The following ZNRF3 variants were observed in gnomAD, a reference collection of about 807,000 sequenced individuals.
ZNRF3 encodes zinc and ring finger 3, also known as E3 ubiquitin-protein ligase ZNRF3.
Under a neutral mutation model 72.5 loss-of-function variants are expected in ZNRF3, and 23 were observed. That is an observed-to-expected ratio of 0.32 (90% confidence interval 0.23 to 0.45). The LOEUF is 0.45. Among genes scored for constraint, ZNRF3 ranks in the 20% least tolerant of loss-of-function variants. ZNRF3 has a pLI of 1.00. For missense variants in ZNRF3, 1,169 were observed against 1,272.1 expected (o/e 0.92, Z 1.23); for synonymous variants, 610 against 545.3 (o/e 1.12, Z -1.65).
chr22:29,050,998 C>G (rs971184865), intron 8 of ZNRF3, 50 bp downstream of exon 8: 4 of 1,487,554 alleles, frequency 2.7e-6, no homozygotes, highest in South Asian at 1.3e-5. Context: ...CCATCAGGGT[C>G]GTCTTGTCTT....
chr22:28,933,276 G>C (rs1377324274), intron 1 of ZNRF3, among the ~76,000 whole-genome samples: 1 of 152,170 alleles, frequency 6.6e-6, no homozygotes, highest in Admixed American at 6.5e-5. Context: ...GTATATTATA[G>C]TTGTTTAAAA....
At chr22:29,002,956 A>G (rs570710192) in intron 2 of ZNRF3, among the ~76,000 whole-genome samples, 1 of 152,322 alleles carries the variant, frequency 6.6e-6, no homozygotes, top group East Asian at 1.9e-4. Flanking sequence ...TAACACCAGA[A>G]GCACCAAGGA....
In ZNRF3 at chr22:28,904,124, C is replaced by T. The variant is rs112017707; in HGVS notation, c.300+20058C>T. Among the ~76,000 whole-genome samples the T allele has an allele frequency of 4.1e-3, 624 of 152,230 alleles. 5 individuals are homozygous for T. Among genetic ancestry groups the T allele is most frequent in the Middle Eastern group, 0.027 (8 of 294 alleles). ...ATTTAAATAAGCAACCTAACCTCAC[C>T]CCAGAAAACAACTCCTAGTTAACCT... is the stretch of plus-strand genomic sequence containing the variant. On this transcript the variant is annotated intron_variant, in intron 1 of 8. Transcript: ENST00000544604.
In ZNRF3 at chr22:29,050,697, A is replaced by G. The variant is rs575877454; in HGVS notation, c.2516A>G (p.Asp839Gly). The change falls in exon 8 of 9, where the codon GAT becomes GGT. Residue 839 changes from aspartate to glycine, a missense_variant. Transcript: ENST00000544604. ...IPIIPEDVDC[D>G]LGLPSDCQGT... ...ATCATTCCAGAGGATGTGGACTGTG[A>G]TCTGGGCCTGCCCTCGGACTGCCAA... The G allele has an allele frequency of 3.5e-5, 57 of 1,612,188 alleles. 1 individual carries two copies. The South Asian group carries it at 4.2e-4, about 12-fold the overall frequency.
chr22:28,986,775 G>A, intron 1 of ZNRF3: 1 of 569,054 alleles, frequency 1.8e-6, no homozygotes, highest in Non-Finnish European at 2.2e-6. Context: ...GCATTTATAT[G>A]GGAATTGTGC....
At chr22:28,891,518 C>G (rs1218789380) in intron 1 of ZNRF3, among the ~76,000 whole-genome samples, 1 of 152,256 alleles carries the variant, frequency 6.6e-6, no homozygotes, top group Non-Finnish European at 1.5e-5. Context: ...GCACTGGGCA[C>G]AGTGCTTTGC....
At chr22:28,957,267 G>A (rs1205655030) in intron 1 of ZNRF3, among the ~76,000 whole-genome samples, 1 of 152,090 alleles carries the variant, frequency 6.6e-6, no homozygotes, top group East Asian at 1.9e-4. Context: ...CCAAACTGAG[G>A]ATTATCATCT....
intron 1 of ZNRF3, among the ~76,000 whole-genome samples, chr22:28,929,990 GA>G (rs2034676155): frequency 6.6e-6 from 1 of 151,852 alleles, no homozygotes; most frequent in African/African-American, 2.4e-5. Flanking sequence ...CATTTAAAAA[GA>G]AAAAATGAAA....
At chr22:28,916,104 C>T (rs915304666) in intron 1 of ZNRF3, among the ~76,000 whole-genome samples, 2 of 152,086 alleles carry the variant, frequency 1.3e-5, no homozygotes, top group Admixed American at 6.5e-5. Flanking sequence ...CTCTGTTGCC[C>T]AGGCCAGAGT....
chr22:28,919,535 T>C (rs546231071), intron 1 of ZNRF3, among the ~76,000 whole-genome samples: 1 of 151,188 alleles, frequency 6.6e-6, no homozygotes, highest in East Asian at 1.9e-4. Flanking sequence ...ACTTTTAGCC[T>C]CTTTACTTTT....
chr22:29,020,759 GTT>G (rs762825720), intron 2 of ZNRF3, among the ~76,000 whole-genome samples: 55,342 of 139,824 alleles, frequency 0.4, 11,862 homozygotes, highest in Non-Finnish European at 0.48. Context: ...GAGGGGCTTT[GTT>G]TTTGTGTGTG....
intron 1 of ZNRF3, among the ~76,000 whole-genome samples, chr22:28,894,220 A>T (rs1420632057): frequency 6.6e-6 from 1 of 152,006 alleles, no homozygotes; most frequent in Non-Finnish European, 1.5e-5. Context: ...GGTCTCCCAA[A>T]GTGCTGAGAC....
chr22:29,032,442 G>A (rs1253817631), intron 2 of ZNRF3, among the ~76,000 whole-genome samples: 1 of 152,208 alleles, frequency 6.6e-6, no homozygotes, highest in Non-Finnish European at 1.5e-5. Flanking sequence ...GGTCAAGGTT[G>A]GCCGGAGGAG....
In ZNRF3 at chr22:29,007,497, G is replaced by A. The variant is rs941735279; in HGVS notation, c.426+20296G>A. Among the ~76,000 whole-genome samples the A allele has an allele frequency of 4.0e-5, 6 of 151,570 alleles. 1 individual carries two copies. Among genetic ancestry groups the A allele is most frequent in the Admixed American group, 3.9e-4 (6 of 15,216 alleles). ...TACAAATTTTTTTTTTTTTAAACTA[G>A]CTGGGCCTGGTGGCACCCACTTATA... On this transcript the variant is annotated intron_variant, in intron 2 of 8. Transcript: ENST00000544604.
intron 2 of ZNRF3, among the ~76,000 whole-genome samples, chr22:28,997,450 C>T (rs1380567888): frequency 6.6e-6 from 1 of 152,054 alleles, no homozygotes; most frequent in Non-Finnish European, 1.5e-5. Flanking sequence ...TGGAGTTCCC[C>T]TTCCTCCTTC....
At chr22:28,931,114 GTCATT>G (rs1214895599) in intron 1 of ZNRF3, among the ~76,000 whole-genome samples, 1 of 152,158 alleles carries the variant, frequency 6.6e-6, no homozygotes, top group Non-Finnish European at 1.5e-5. Flanking sequence ...AAAAGAAGTA[GTCATT>G]TCAGTGCAAC....
chr22:29,023,186 T>C (rs971640163), intron 2 of ZNRF3, among the ~76,000 whole-genome samples: 2 of 152,172 alleles, frequency 1.3e-5, no homozygotes, highest in African/African-American at 2.4e-5. Context: ...GAAACTAACA[T>C]TGGAGTCCTC....
intron 2 of ZNRF3, among the ~76,000 whole-genome samples, chr22:29,019,381 T>G (rs1168365759): frequency 6.6e-6 from 1 of 152,218 alleles, no homozygotes; most frequent in Non-Finnish European, 1.5e-5. Context: ...TCATGTATCT[T>G]CCTTCTAGTT....
chr22:29,046,101 C>A (rs1364044679), intron 5 of ZNRF3, among the ~76,000 whole-genome samples: 1 of 152,170 alleles, frequency 6.6e-6, no homozygotes, highest in Non-Finnish European at 1.5e-5. Context: ...GCAGCCACAT[C>A]ACTTTGTGCT....
Sources: gnomAD v4.1 joint callset for allele counts (sites outside exome capture counted in the v4.1 genomes callset) on GRCh38, gnomAD v4.1.1 for gene constraint, MANE v1.5 for transcripts, NCBI Gene and HGNC (gene_info 2026-07-23, HGNC 2026-07-21) for gene names.